Variants in DGKD observed in about 807,000 individuals in gnomAD.
DGKD encodes diacylglycerol kinase delta.
Under a neutral mutation model 154.4 loss-of-function variants are expected in DGKD, and 68 were observed. The observed-to-expected ratio is 0.44, with a 90% confidence interval of 0.36 to 0.54. The LOEUF (loss-of-function observed/expected upper bound fraction) is 0.54, where lower values mean the gene tolerates loss of function less well. Among genes scored for constraint, DGKD ranks in the 20% least tolerant of loss-of-function variants. The probability of loss-of-function intolerance (pLI) is 0.00; values close to 1 mark genes in which losing one functional copy is unlikely to be tolerated. For synonymous variants in DGKD, 693 were observed against 638.0 expected, an observed-to-expected ratio of 1.09 and a Z score of -1.30; for missense variants, 1,343 against 1,593.6, an observed-to-expected ratio of 0.84 and a Z score of 2.68.
Position 233,450,035 on chromosome 2 carries a change from C to T in DGKD, c.1942C>T (p.Leu648Phe), listed in dbSNP as rs2063220355. The T allele has an allele frequency of 6.2e-7, 1 of 1,613,704 alleles. No individual in the cohort carries two copies. The highest frequency in any genetic ancestry group is 1.7e-5 in the Admixed American group (1 of 59,974). The change falls in exon 16 of 30, where the codon CTC (leucine) becomes TTC (phenylalanine). Residue 648 changes from leucine to phenylalanine, a missense_variant. This residue lies in a region of DGKD where 409 missense variants were observed against 446.0 expected (regional missense o/e 0.92). Coordinates refer to ENST00000264057, the MANE Select transcript of DGKD (RefSeq NM_152879.3). ...TQEQEGFVLGLSESEEKMDHR... is the reference protein window; with the variant it reads ...TQEQEGFVLGFSESEEKMDHR... ...GGAGCAGGAGGGCTTCGTCCTGGGC[C>T]TCTCTGAGTCAGAGGAGAAGATGGA...
intron 7 of DGKD, among the ~76,000 whole-genome samples, chr2:233,436,833 C>A (rs1253753463): frequency 6.6e-6 from 1 of 152,166 alleles, no homozygotes; most frequent in Non-Finnish European, 1.5e-5. Flanking sequence ...GTGAGCACAG[C>A]CATGTGGAAG....
intron 3 of DGKD, among the ~76,000 whole-genome samples, chr2:233,421,621 C>T (rs1254243613): frequency 3.3e-5 from 5 of 152,156 alleles, no homozygotes; most frequent in African/African-American, 1.2e-4. Flanking sequence ...TGCTTCTGCT[C>T]AGCCCTTCCC....
chr2:233,422,978 G>C (rs1559528010), intron 3 of DGKD, among the ~76,000 whole-genome samples: 1 of 152,264 alleles, frequency 6.6e-6, no homozygotes, highest in East Asian at 1.9e-4. Flanking sequence ...CTATAATTTG[G>C]TCTTTTCAAG....
intron 1 of DGKD, among the ~76,000 whole-genome samples, chr2:233,363,016 GATA>G (rs1701854927): frequency 1.3e-5 from 2 of 152,192 alleles, no homozygotes; most frequent in Admixed American, 6.5e-5. Context: ...AGTTGATGAT[GATA>G]ATAAACAACT....
intron 1 of DGKD, among the ~76,000 whole-genome samples, chr2:233,375,270 G>A (rs751375298): frequency 1.3e-5 from 2 of 151,854 alleles, no homozygotes; most frequent in Non-Finnish European, 2.9e-5. Flanking sequence ...CAGCCTGGGC[G>A]ACAGAATGAG....
intron 1 of DGKD, among the ~76,000 whole-genome samples, chr2:233,369,669 G>A (rs1270402579): frequency 1.3e-5 from 2 of 152,176 alleles, no homozygotes; most frequent in Admixed American, 1.3e-4. Flanking sequence ...CTGTTTCCTG[G>A]GGACTTGGCT....
At chr2:233,415,832 C>T (rs576532462) in intron 3 of DGKD, among the ~76,000 whole-genome samples, 2 of 152,150 alleles carry the variant, frequency 1.3e-5, no homozygotes, top group Admixed American at 1.3e-4. Flanking sequence ...CACTGTGTTG[C>T]CCAGGCTGGT....
chr2:233,464,535 A>C (rs2063769133), intron 27 of DGKD, among the ~76,000 whole-genome samples: 1 of 152,166 alleles, frequency 6.6e-6, no homozygotes, highest in Non-Finnish European at 1.5e-5. Flanking sequence ...TCTGAAACAG[A>C]ACTGCAGGGC....
chr2:233,411,386 T>C (rs919754953), intron 3 of DGKD, among the ~76,000 whole-genome samples: 1 of 152,224 alleles, frequency 6.6e-6, no homozygotes, highest in African/African-American at 2.4e-5. Context: ...TTATGTGTCC[T>C]AATAGTTATG....
At chr2:233,451,103 C>A in intron 17 of DGKD, 53 bp downstream of exon 17, 1 of 1,568,366 alleles carries the variant, frequency 6.4e-7, no homozygotes, top group South Asian at 1.1e-5. Context: ...CAACACTGGT[C>A]CCGTCAAACT....
intron 3 of DGKD, among the ~76,000 whole-genome samples, chr2:233,397,306 G>A (rs1237861804): frequency 2.1e-5 from 2 of 94,562 alleles, no homozygotes; most frequent in Admixed American, 1.0e-4. Flanking sequence ...TGGCTGGGGG[G>A]GGGGCCAGAG....
At chr2:233,407,446 A>G (rs1482295518) in intron 3 of DGKD, among the ~76,000 whole-genome samples, 2 of 152,236 alleles carry the variant, frequency 1.3e-5, no homozygotes, top group African/African-American at 4.8e-5. Context: ...AAAGGAAGCT[A>G]TGTAATGGAT....
rs965544400 is a variant in DGKD, at chr2:233,400,022, T to C, written c.348+9539T>C. Among the ~76,000 whole-genome samples, 11 of 152,224 alleles carry C rather than the reference T, an allele frequency of 7.2e-5. 1 individual carries two copies. Among genetic ancestry groups the C allele is most frequent in the Admixed American group, 3.9e-4 (6 of 15,286 alleles). ...ATGCATGCCTCCTAGAAAGCAGCGC[T>C]GTACACAGTGACATGATCACAGCAC... On this transcript the variant is annotated intron_variant, in intron 3 of 29. Transcript: ENST00000264057.
chr2:233,380,291 C>T (rs1372466590), intron 1 of DGKD, among the ~76,000 whole-genome samples: 4 of 152,050 alleles, frequency 2.6e-5, no homozygotes, highest in South Asian at 2.1e-4. Flanking sequence ...CCCCTGGGGA[C>T]GCCAGCCTGC....
chr2:233,409,531 C>G (rs1379298497), intron 3 of DGKD, among the ~76,000 whole-genome samples: 1 of 150,850 alleles, frequency 6.6e-6, no homozygotes, highest in Non-Finnish European at 1.5e-5. Context: ...TTGAAAGTTA[C>G]AAAAATGGTA....
At chr2:233,385,505 C>A (rs1287589619) in intron 1 of DGKD, among the ~76,000 whole-genome samples, 2 of 152,176 alleles carry the variant, frequency 1.3e-5, no homozygotes, top group African/African-American at 4.8e-5. Context: ...GCTTGAACGA[C>A]AGTTGGCCCT....
chr2:233,373,275 C>G (rs1453104629), intron 1 of DGKD, among the ~76,000 whole-genome samples: 1 of 152,122 alleles, frequency 6.6e-6, no homozygotes, highest in East Asian at 1.9e-4. Context: ...GTGTAAAACA[C>G]TGGAAATAAG....
At chr2:233,424,040 A>C (rs1386451809) in intron 3 of DGKD, among the ~76,000 whole-genome samples, 3 of 152,074 alleles carry the variant, frequency 2.0e-5, no homozygotes, top group Non-Finnish European at 4.4e-5. Flanking sequence ...CCTCCCTGTC[A>C]TCTGAATTTG....
At chr2:233,434,167 A>G (rs2062616848) in intron 3 of DGKD, among the ~76,000 whole-genome samples, 1 of 152,266 alleles carries the variant, frequency 6.6e-6, no homozygotes, top group Admixed American at 6.5e-5. Flanking sequence ...ATGAATATAT[A>G]AAAACTAAAT....
Sources: allele counts gnomAD v4.1 joint callset (sites outside exome capture counted in the v4.1 genomes callset), GRCh38; gene constraint gnomAD v4.1.1; regional missense constraint gnomAD v4.1.1; transcripts MANE v1.5; gene names NCBI Gene and HGNC (gene_info 2026-07-23, HGNC 2026-07-21).